Variants in RALGPS2 observed in about 807,000 individuals in gnomAD.
The protein encoded by RALGPS2 is ras-specific guanine nucleotide-releasing factor RalGPS2.
In RALGPS2, 43 loss-of-function variants were observed where a neutral mutation model predicts 86.8. The ratio of observed to expected loss-of-function variants is 0.50; its 90% confidence interval spans 0.39 to 0.64. The LOEUF is 0.64. Ranked by LOEUF, RALGPS2 falls within the 30% of genes least tolerant of loss-of-function variation. The pLI is 0.00. For synonymous variants in RALGPS2, 243 were observed against 231.3 expected (o/e 1.05, Z -0.46); for missense variants, 536 against 694.6 (o/e 0.77, Z 2.57).
intron 8 of RALGPS2, among the ~76,000 whole-genome samples, chr1:178,837,162 A>G (rs1424110348): frequency 6.6e-6 from 1 of 152,198 alleles, no homozygotes; most frequent in African/African-American, 2.4e-5. Flanking sequence ...TTCCAAATCT[A>G]GACTGAATCT....
chr1:178,731,837 G>T, intron 1 of RALGPS2, among the ~76,000 whole-genome samples: 1 of 152,052 alleles, frequency 6.6e-6, no homozygotes, highest in East Asian at 1.9e-4. Flanking sequence ...TTCTTTGAAG[G>T]TTAGGTAGTA....
intron 1 of RALGPS2, among the ~76,000 whole-genome samples, chr1:178,756,411 G>A (rs1042838743): frequency 1.3e-5 from 2 of 152,104 alleles, no homozygotes; most frequent in Non-Finnish European, 2.9e-5. Flanking sequence ...TTATTTAATA[G>A]GAAGACTTTT....
chr1:178,888,686 A>G (rs911956488), intron 13 of RALGPS2, among the ~76,000 whole-genome samples: 2 of 152,148 alleles, frequency 1.3e-5, no homozygotes, highest in Non-Finnish European at 2.9e-5. Flanking sequence ...AAATTATTTC[A>G]GTGATTGTTA....
chr1:178,783,734 T>G (rs1371075923), intron 2 of RALGPS2, among the ~76,000 whole-genome samples: 2 of 152,174 alleles, frequency 1.3e-5, no homozygotes, highest in African/African-American at 2.4e-5. Context: ...TCCTCTGAAT[T>G]TAGCCAGCTG....
At chr1:178,884,876 A>G (rs1411678653) in intron 11 of RALGPS2, among the ~76,000 whole-genome samples, 200 bp from the exon 12 acceptor site, 1 of 152,226 alleles carries the variant, frequency 6.6e-6, no homozygotes, top group Admixed American at 6.5e-5. Flanking sequence ...TCTACTTAGT[A>G]TAAGTAAGAT....
intron 10 of RALGPS2, 47 bp from the exon 11 acceptor site, chr1:178,883,419 C>T: frequency 7.2e-7 from 1 of 1,388,264 alleles, no homozygotes; most frequent in East Asian, 2.3e-5. Context: ...CTTATTTTGT[C>T]AAATGTTAAT....
At position 178,776,791 on chromosome 1, in the gene RALGPS2, C is replaced by A; in HGVS notation, c.27C>A (p.Ser9Arg). 2 of 1,612,928 alleles carry A rather than the reference C, an allele frequency of 1.2e-6. No individual in the cohort carries two copies. The highest frequency in any genetic ancestry group is 1.7e-6 in the Non-Finnish European group (2 of 1,179,440). The change falls in exon 2 of 20, where the codon AGC (serine) becomes AGA (arginine). Residue 9 changes from serine to arginine, a missense_variant. Coordinates refer to ENST00000367635, the MANE Select transcript of RALGPS2 (RefSeq NM_152663.5). MDLMNGQA[S>R]SVNIAATASE... The stretch of plus-strand genomic sequence containing the variant: ...TGGACCTAATGAACGGGCAGGCAAG[C>A]AGTGTCAATATTGCAGCTACTGCTT...
At chr1:178,861,617 A>C (rs914174780) in intron 8 of RALGPS2, among the ~76,000 whole-genome samples, 1 of 152,214 alleles carries the variant, frequency 6.6e-6, no homozygotes, top group African/African-American at 2.4e-5. Context: ...ATCACATAGA[A>C]TACTCCATGG....
rs74129711 is a variant in RALGPS2 at position 178,856,761 on chromosome 1, T to C, written c.608-20737T>C. On this transcript the variant is annotated intron_variant, in intron 8 of 19. Transcript: ENST00000367635. The stretch of plus-strand genomic sequence containing the variant: ...TAAAGTAGCTTATTTAATGTCTGCT[T>C]ATTTAATAAATTTAATATAGCTCAT... Among the ~76,000 whole-genome samples, 496 of 152,304 alleles carry C rather than the reference T, an allele frequency of 3.3e-3. 2 individuals carry two copies. Among genetic ancestry groups the C allele is most frequent in the African/African-American group, 0.012 (488 of 41,560 alleles).
At chr1:178,852,236 AT>A (rs1657218470) in intron 8 of RALGPS2, among the ~76,000 whole-genome samples, 1 of 151,736 alleles carries the variant, frequency 6.6e-6, no homozygotes, top group Non-Finnish European at 1.5e-5. Flanking sequence ...ACCACTTTCT[AT>A]TTTCTTACTC....
chr1:178,804,448 C>A (rs1654638878), intron 4 of RALGPS2, among the ~76,000 whole-genome samples: 1 of 126,980 alleles, frequency 7.9e-6, no homozygotes, highest in African/African-American at 2.9e-5. Context: ...CCACAACAGT[C>A]CCCAGAGTGT....
At position 178,906,651 on chromosome 1, in the gene RALGPS2, G is replaced by A. The variant is rs954468824; in HGVS notation, c.1631-125G>A. 4 of 662,860 alleles carry A rather than the reference G, an allele frequency of 6.0e-6. No individual in the cohort carries two copies. The East Asian group carries it at 1.2e-4, about 19-fold the overall frequency. The allele number at this position is 662,860 out of a possible 1,614,324, so 41.1% of individuals were successfully genotyped here. A position where few individuals can be genotyped will look rare whatever the true frequency, so the allele number is the denominator to read the frequency against. On this transcript the variant is annotated intron_variant, in intron 18 of 19. Coordinates refer to ENST00000367635, the MANE Select transcript of RALGPS2 (RefSeq NM_152663.5). Reference sequence around the variant, plus strand: ...AAATAGGAAATACAATAAAATGGAGGTGTTGAATAGAATTCTAAAACTGAA... The same window carrying A: ...AAATAGGAAATACAATAAAATGGAGATGTTGAATAGAATTCTAAAACTGAA...
intron 4 of RALGPS2, among the ~76,000 whole-genome samples, chr1:178,799,132 T>C (rs1654345549): frequency 6.6e-6 from 1 of 152,124 alleles, no homozygotes; most frequent in Admixed American, 6.6e-5. Context: ...CTCCACCTCC[T>C]GGGTTCAAGT....
intron 8 of RALGPS2, among the ~76,000 whole-genome samples, chr1:178,860,911 C>T (rs1657959224): frequency 1.3e-5 from 2 of 152,070 alleles, no homozygotes; most frequent in African/African-American, 4.8e-5. Context: ...TTTTTCCAGA[C>T]AGATGTAAAA....
At chr1:178,773,022 G>A (rs1277826781) in intron 1 of RALGPS2, among the ~76,000 whole-genome samples, 11 of 152,076 alleles carry the variant, frequency 7.2e-5, no homozygotes, top group South Asian at 2.1e-4. Context: ...GGCTGGTCTC[G>A]AACTCCTGAC....
chr1:178,837,651 G>A (rs543608224), intron 8 of RALGPS2, among the ~76,000 whole-genome samples: 23 of 152,244 alleles, frequency 1.5e-4, no homozygotes, highest in South Asian at 6.2e-4. Context: ...CTGAGGTACC[G>A]GGTTCATCTC....
At position 178,917,484 on chromosome 1, in the gene RALGPS2, G is replaced by A. The variant is rs1326181918; in HGVS notation, c.*1125G>A. Reference sequence around the variant, plus strand: ...GATGTATGTATATATTTTGTTATAAGACATACAAAATAATTTTAAGAGGGA... The same window carrying A: ...GATGTATGTATATATTTTGTTATAAAACATACAAAATAATTTTAAGAGGGA... On this transcript the variant is annotated 3_prime_UTR_variant, in exon 20 of 20. Transcript: ENST00000367635. The A allele has an allele frequency of 2.0e-5, 3 of 151,958 alleles. No individual in the cohort carries two copies. The highest frequency in any genetic ancestry group is 1.5e-5 in the Non-Finnish European group (1 of 67,972). 9.4% of individuals were successfully genotyped at this position (151,958 alleles called of 1,614,324 possible). A position where few individuals can be genotyped will look rare whatever the true frequency, so the allele number is the denominator to read the frequency against.
In RALGPS2 at chr1:178,886,150, A is replaced by G. The variant is rs1558171281; in HGVS notation, c.1192+30A>G. On this transcript the variant is annotated intron_variant, in intron 13 of 19. Transcript: ENST00000367635. ...GAAATACTTCTCTGAGAGGGTTGCA[A>G]TTTAACTTTAAATAAAAATGTTAAT... The G allele has an allele frequency of 2.5e-6, 4 of 1,588,438 alleles. No individual in the cohort carries two copies. The South Asian group carries it at 3.5e-5, about 14-fold the overall frequency.
intron 2 of RALGPS2, among the ~76,000 whole-genome samples, chr1:178,779,518 G>A (rs1029971158): frequency 6.6e-6 from 1 of 152,110 alleles, no homozygotes; most frequent in African/African-American, 2.4e-5. Flanking sequence ...TTTTTGTTAT[G>A]TAGATGATTT....
Sources: allele counts gnomAD v4.1 joint callset (sites outside exome capture counted in the v4.1 genomes callset), GRCh38; gene constraint gnomAD v4.1.1; transcripts MANE v1.5; gene names NCBI Gene and HGNC (gene_info 2026-07-23, HGNC 2026-07-21).